The following BCL2L13 variants were observed in gnomAD, a reference collection of about 807,000 sequenced individuals.
BCL2L13 encodes bcl-2-like protein 13.
A neutral mutation model predicts 25.8 loss-of-function variants in BCL2L13; 13 were observed. That is an observed-to-expected ratio of 0.50 (90% CI 0.33 to 0.80). BCL2L13 has a LOEUF of 0.80. Ranked by LOEUF, BCL2L13 falls within the 30% of genes least tolerant of loss-of-function variation. The pLI, the probability that BCL2L13 is intolerant of heterozygous loss-of-function variation, is 0.02. For synonymous variants in BCL2L13, 244 were observed against 230.3 expected, an observed-to-expected ratio of 1.06 and a Z score of -0.54; for missense variants, 504 against 574.9, an observed-to-expected ratio of 0.88 and a Z score of 1.26.
chr22:17,661,920 G>A (rs906661759), intron 2 of BCL2L13, among the ~76,000 whole-genome samples: 1 of 151,648 alleles, frequency 6.6e-6, no homozygotes, highest in African/African-American at 2.4e-5. Context: ...GAACCCGGGA[G>A]GTGGAGGTTG....
chr22:17,697,603 G>A (rs1260993588), intron 5 of BCL2L13, among the ~76,000 whole-genome samples: 1 of 152,108 alleles, frequency 6.6e-6, no homozygotes, highest in East Asian at 1.9e-4. Flanking sequence ...TACATGTTCA[G>A]TACTTATTAA....
At chr22:17,665,205 C>T (rs1291118999) in intron 2 of BCL2L13, among the ~76,000 whole-genome samples, 5 of 152,162 alleles carry the variant, frequency 3.3e-5, no homozygotes, top group Non-Finnish European at 7.4e-5. Flanking sequence ...TTCCACAGAT[C>T]TCTAGGGCAG....
chr22:17,638,994 C>G, intron 1 of BCL2L13, 108 bp downstream of exon 1: 1 of 915,076 alleles, frequency 1.1e-6, no homozygotes, highest in Non-Finnish European at 1.4e-6. Flanking sequence ...CCCAGTGGTT[C>G]CGACGACGCG....
At chr22:17,680,983 C>T (rs988227708) in intron 2 of BCL2L13, among the ~76,000 whole-genome samples, 15 of 152,010 alleles carry the variant, frequency 9.9e-5, no homozygotes, top group African/African-American at 3.4e-4. Flanking sequence ...TATGGAAAAA[C>T]ACATTAGTGG....
intron 1 of BCL2L13, among the ~76,000 whole-genome samples, chr22:17,649,510 CTT>C (rs927231530): frequency 1.3e-5 from 2 of 149,442 alleles, no homozygotes; most frequent in South Asian, 2.1e-4. Flanking sequence ...GCTAAAGAGA[CTT>C]TTTTTTTTGA....
At chr22:17,671,588 C>T (rs2059422192) in intron 2 of BCL2L13, among the ~76,000 whole-genome samples, 1 of 151,680 alleles carries the variant, frequency 6.6e-6, no homozygotes, top group South Asian at 2.1e-4. Context: ...AAATCTTGCT[C>T]CTTTATTTAT....
In BCL2L13 at chr22:17,631,698, ATATATATATTTTTTTTTTTTTTTT is replaced by A. The variant is rs1568903926; in HGVS notation, c.-650+2695_-650+2718del. ...TATATATATATATATATATATATATATATATATATTTTTTTTTTTTTTTTTTTTTTTTTTTTTTTTGAGATGGAG... is the reference window on the plus strand; with the variant it reads ...TATATATATATATATATATATATATATTTTTTTTTTTTTTTTGAGATGGAG... On this transcript the variant is annotated intron_variant, in intron 1 of 6. Transcript: ENST00000399782. 5.3e-3 allele frequency among the ~76,000 whole-genome samples: 153 copies of A among 28,870 alleles called. 1 individual carries two copies. Among genetic ancestry groups the A allele is most frequent in the East Asian group, 0.037 (26 of 700 alleles). The allele number at this position is 28,870 out of a possible 152,430, so 18.9% of individuals were successfully genotyped here.
intron 6 of BCL2L13, among the ~76,000 whole-genome samples, chr22:17,711,217 C>T (rs1448603276): frequency 6.6e-6 from 1 of 151,734 alleles, no homozygotes; most frequent in African/African-American, 2.4e-5. Context: ...GAGTGAGACC[C>T]TCATTAAAAA....
intron 1 of BCL2L13, among the ~76,000 whole-genome samples, chr22:17,644,557 C>T (rs901324032): frequency 6.6e-6 from 1 of 151,256 alleles, no homozygotes; most frequent in African/African-American, 2.5e-5. Flanking sequence ...GTCTCAATCT[C>T]TTGACCTCGT....
chr22:17,715,401 C>T (rs559248664), intron 6 of BCL2L13, among the ~76,000 whole-genome samples: 74 of 150,428 alleles, frequency 4.9e-4, no homozygotes, highest in African/African-American at 1.6e-3. Context: ...AGGGTAGTCT[C>T]GAACTCCTGG....
intron 6 of BCL2L13, among the ~76,000 whole-genome samples, chr22:17,717,939 T>C (rs1157440503): frequency 3.3e-5 from 5 of 152,090 alleles, no homozygotes; most frequent in African/African-American, 1.2e-4. Context: ...ATGTAAAAAT[T>C]AGCCAGTCAT....
intron 2 of BCL2L13, among the ~76,000 whole-genome samples, chr22:17,656,251 A>AAT (rs1555878329): frequency 6.7e-6 from 1 of 150,056 alleles, no homozygotes; most frequent in African/African-American, 2.5e-5. Flanking sequence ...AAAAAAAAAA[A>AAT]ATATACACAA....
At chr22:17,677,015 C>G (rs1393779402) in intron 2 of BCL2L13, among the ~76,000 whole-genome samples, 1 of 152,124 alleles carries the variant, frequency 6.6e-6, no homozygotes, top group African/African-American at 2.4e-5. Context: ...AAAGTATATG[C>G]TATTGGTGAC....
At chr22:17,699,904 G>A (rs2145694926) in intron 5 of BCL2L13, among the ~76,000 whole-genome samples, 1 of 152,204 alleles carries the variant, frequency 6.6e-6, no homozygotes, top group East Asian at 1.9e-4. Context: ...GGATTTAGCT[G>A]CTTAAAGACA....
At chr22:17,690,529 C>G (rs867689112) in intron 4 of BCL2L13, among the ~76,000 whole-genome samples, 1 of 151,720 alleles carries the variant, frequency 6.6e-6, no homozygotes, top group Non-Finnish European at 1.5e-5. Context: ...GAGGTCCAGG[C>G]GGGAGGATTG....
chr22:17,706,414 C>G (rs9618098), intron 6 of BCL2L13, among the ~76,000 whole-genome samples: 2,868 of 151,866 alleles, frequency 0.019, 82 homozygotes, highest in African/African-American at 0.066. Context: ...TTGTTTCTTG[C>G]CCCAGCTCTG....
intron 2 of BCL2L13, among the ~76,000 whole-genome samples, chr22:17,658,710 A>C (rs976757634): frequency 2.0e-5 from 3 of 151,178 alleles, no homozygotes; most frequent in African/African-American, 7.3e-5. Context: ...AAAAAAAAAA[A>C]AAAATATTTT....
At chr22:17,664,780 T>G (rs2059184288) in intron 2 of BCL2L13, among the ~76,000 whole-genome samples, 1 of 152,222 alleles carries the variant, frequency 6.6e-6, no homozygotes. Context: ...CTTAGGACTT[T>G]CACCCCCTGA....
chr22:17,673,677 T>G (rs1163775999), intron 2 of BCL2L13, among the ~76,000 whole-genome samples: 1 of 152,054 alleles, frequency 6.6e-6, no homozygotes, highest in African/African-American at 2.4e-5. Context: ...GCGCCCGGCC[T>G]TATTTCTTTT....
Sources: allele counts gnomAD v4.1 joint callset (sites outside exome capture counted in the v4.1 genomes callset), GRCh38; gene constraint gnomAD v4.1.1; transcripts MANE v1.5; gene names NCBI Gene and HGNC (gene_info 2026-07-23, HGNC 2026-07-21).